The following NTF3 variants were observed in gnomAD, a reference collection of about 807,000 sequenced individuals.
NTF3 encodes the protein neurotrophin-3.
A neutral mutation model predicts 26.3 loss-of-function variants in NTF3; 8 were observed. The ratio of observed to expected loss-of-function variants is 0.30; its 90% CI spans 0.18 to 0.55. The LOEUF (loss-of-function observed/expected upper bound fraction) is 0.55, where lower values mean the gene tolerates loss of function less well. Among genes scored for constraint, NTF3 ranks in the 20% least tolerant of loss-of-function variants. NTF3 has a pLI of 0.93. For synonymous variants in NTF3, 154 were observed against 145.5 expected, an observed-to-expected ratio of 1.06 and a Z score of -0.42; for missense variants, 276 against 352.9, an observed-to-expected ratio of 0.78 and a Z score of 1.75.
chr12:5,432,486 C>T (rs1448184461), intron 1 of NTF3, 144 bp downstream of exon 1: 5 of 974,938 alleles, frequency 5.1e-6, no homozygotes, highest in Admixed American at 4.3e-5. Flanking sequence ...CTCACTTTCC[C>T]GGGCTTGTGT....
At position 5,494,966 on chromosome 12, in the gene NTF3, C is replaced by T; in HGVS notation, c.791C>T (p.Ser264Leu). Reference sequence around the variant, plus strand: ...GACACGTCCTGTGTGTGTGCCTTGTCGAGAAAAATCGGAAGAACATGAATT... The same window carrying T: ...GACACGTCCTGTGTGTGTGCCTTGTTGAGAAAAATCGGAAGAACATGAATT... ...RIDTSCVCAL[S>L]RKIGRT Residue 264 changes from serine (S) to leucine (L), a missense_variant, in exon 2 of 2, where the codon TCG (serine) becomes TTG (leucine). Coordinates refer to ENST00000423158, the MANE Select transcript of NTF3 (RefSeq NM_001102654.2). The surrounding 1 kb of genome is among the most constrained non-coding windows in gnomAD (Gnocchi z 8.3). The T allele has an allele frequency of 1.2e-6, 2 of 1,613,704 alleles. No individual in the cohort carries two copies. Among genetic ancestry groups the T allele is most frequent in the South Asian group, 2.2e-5 (2 of 90,992 alleles).
At chr12:5,492,515 T>G (rs1402200163) in intron 1 of NTF3, among the ~76,000 whole-genome samples, 2 of 152,238 alleles carry the variant, frequency 1.3e-5, no homozygotes, top group African/African-American at 4.8e-5. Context: ...GTCACTTGTA[T>G]GCAGAATAGG....
chr12:5,460,468 T>A (rs1183317285), intron 1 of NTF3, among the ~76,000 whole-genome samples: 1 of 152,232 alleles, frequency 6.6e-6, no homozygotes, highest in East Asian at 1.9e-4. Flanking sequence ...TCAGACTGGC[T>A]CCTTTCACTT....
At chr12:5,445,092 G>A (rs1234887102) in intron 1 of NTF3, among the ~76,000 whole-genome samples, 2 of 152,178 alleles carry the variant, frequency 1.3e-5, no homozygotes, top group Non-Finnish European at 2.9e-5. Context: ...CAAAAAAGAA[G>A]ATGGCTTTTG....
At chr12:5,479,441 A>C (rs75822957) in intron 1 of NTF3, among the ~76,000 whole-genome samples, 32 of 152,340 alleles carry the variant, frequency 2.1e-4, no homozygotes, top group Non-Finnish European at 4.6e-4. Context: ...GCTCTCCCTT[A>C]GGTTTACAGC....
chr12:5,463,545 C>T lies in NTF3; in HGVS notation c.19-30649C>T, dbSNP rs1476374144. On this transcript the variant is annotated intron_variant, in intron 1 of 1. Transcript: ENST00000423158. ...ACAGGCAGAGATGGTTGGGGGTGGG[C>T]GGTAGGAGGGACAGACAGAAGGAAC... Among the ~76,000 whole-genome samples, 7 of 151,584 alleles carry T rather than the reference C, an allele frequency of 4.6e-5. No individual in the cohort carries two copies. The South Asian group carries it at 6.3e-4, about 14-fold the overall frequency.
At chr12:5,438,087 G>T (rs1250544712) in intron 1 of NTF3, among the ~76,000 whole-genome samples, 2 of 151,824 alleles carry the variant, frequency 1.3e-5, no homozygotes, top group African/African-American at 2.4e-5. Context: ...GTTGAACCTT[G>T]AAGTATGAGG....
intron 1 of NTF3, among the ~76,000 whole-genome samples, chr12:5,468,625 T>TA (rs1940621503): frequency 6.6e-6 from 1 of 152,120 alleles, no homozygotes; most frequent in Admixed American, 6.5e-5. Flanking sequence ...GGATGTAAAC[T>TA]AAAAAATGGT....
intron 1 of NTF3, among the ~76,000 whole-genome samples, chr12:5,467,002 C>T (rs1051841535): frequency 2.6e-5 from 4 of 151,910 alleles, no homozygotes; most frequent in South Asian, 2.1e-4. Flanking sequence ...GAGGCCAGGG[C>T]GGTTGGATCA....
chr12:5,453,659 G>T (rs73259331), intron 1 of NTF3, among the ~76,000 whole-genome samples: 1 of 152,132 alleles, frequency 6.6e-6, no homozygotes, highest in Non-Finnish European at 1.5e-5. Flanking sequence ...TTTTCTTCTC[G>T]CATTTGCCTA....
intron 1 of NTF3, 200 bp downstream of exon 1, chr12:5,432,542 C>T (rs1940106178): frequency 6.7e-6 from 1 of 148,968 alleles, no homozygotes; most frequent in Non-Finnish European, 1.4e-5. Context: ...GAAGCGCAAC[C>T]GCAGCCACCC....
At chr12:5,446,085 G>A (rs1412118658) in intron 1 of NTF3, among the ~76,000 whole-genome samples, 8 of 152,114 alleles carry the variant, frequency 5.3e-5, no homozygotes, top group African/African-American at 7.2e-5. Flanking sequence ...ATGTGTCATC[G>A]TAGTTCCCCT....
chr12:5,489,143 C>A (rs1319054926), intron 1 of NTF3, among the ~76,000 whole-genome samples: 1 of 152,204 alleles, frequency 6.6e-6, no homozygotes, highest in East Asian at 1.9e-4. Flanking sequence ...TGGAGAGCAT[C>A]AGGCCCAGGA....
In NTF3 at chr12:5,494,220, C is replaced by T. The variant is rs1224687074; in HGVS notation, c.45C>T (p.Ser15=). ...TCTTACAGGTGAACAAGGTGATGTC[C>T]ATCTTGTTTTATGTGATATTTCTCG... ...ATILQVNKVM[S]ILFYVIFLAY... is the part of the protein sequence containing the mutation. Residue 15 remains serine (S), a synonymous_variant, in exon 2 of 2, where the codon TCC becomes TCT. Transcript: ENST00000423158. This position sits in a 1 kb window ranked among gnomAD's most constrained non-coding sequence, Gnocchi z 8.3. 2 of 1,613,852 alleles carry T rather than the reference C, an allele frequency of 1.2e-6. No individual in the cohort carries two copies. The highest frequency in any genetic ancestry group is 1.7e-6 in the Non-Finnish European group (2 of 1,179,990).
chr12:5,452,096 C>CTTTTTTTTTTTTTT (rs56032205), intron 1 of NTF3, among the ~76,000 whole-genome samples: 1 of 127,016 alleles, frequency 7.9e-6, no homozygotes. Context: ...TTTTTCTTTT[C>CTTTTTTTTTTTTTT]TTTTTTTTTT....
chr12:5,467,263 A>AAAAAAAAT (rs1940603905), intron 1 of NTF3, among the ~76,000 whole-genome samples: 1 of 126,982 alleles, frequency 7.9e-6, no homozygotes, highest in Non-Finnish European at 1.6e-5. Context: ...AAAAAAAAAA[A>AAAAAAAAT]GTCGGGGGCT....
intron 1 of NTF3, among the ~76,000 whole-genome samples, chr12:5,467,148 G>C (rs973949726): frequency 7.2e-6 from 1 of 138,082 alleles, no homozygotes; most frequent in Admixed American, 8.2e-5. Flanking sequence ...AGAATTGCTT[G>C]AACCCAGGAA....
At chr12:5,481,489 C>T (rs1300702218) in intron 1 of NTF3, among the ~76,000 whole-genome samples, 2 of 12,156 alleles carry the variant, frequency 1.6e-4, no homozygotes, top group Non-Finnish European at 3.9e-4. Context: ...ACATGCACAC[C>T]ACAGATACAC....
intron 1 of NTF3, among the ~76,000 whole-genome samples, chr12:5,458,937 CCTT>C (rs1247514654): frequency 6.6e-6 from 1 of 152,076 alleles, no homozygotes; most frequent in Non-Finnish European, 1.5e-5. Context: ...ATGCCCAAAC[CCTT>C]CTTCTATTTT....
Sources: allele counts gnomAD v4.1 joint callset (sites outside exome capture counted in the v4.1 genomes callset), GRCh38; gene constraint gnomAD v4.1.1; non-coding constraint Gnocchi (gnomAD v3.1); transcripts MANE v1.5; gene names NCBI Gene and HGNC (gene_info 2026-07-23, HGNC 2026-07-21).